Variants in KLHL22 observed in about 807,000 individuals in gnomAD.
KLHL22 encodes the protein kelch-like protein 22.
Under a neutral mutation model 60.7 loss-of-function variants are expected in KLHL22, and 18 were observed. The ratio of observed to expected loss-of-function variants is 0.30; its 90% CI spans 0.20 to 0.44. The LOEUF is 0.44. Ranked by LOEUF, KLHL22 falls within the 20% of genes least tolerant of loss-of-function variation. KLHL22 has a pLI of 1.00. For missense variants in KLHL22, 596 were observed against 852.3 expected, an observed-to-expected ratio of 0.70 and a Z score of 3.74; for synonymous variants, 355 against 354.5, an observed-to-expected ratio of 1.00 and a Z score of -0.01.
At chr22:20,444,484 C>A (rs1467305641) in intron 6 of KLHL22, among the ~76,000 whole-genome samples, 1 of 152,104 alleles carries the variant, frequency 6.6e-6, no homozygotes, top group Non-Finnish European at 1.5e-5. Flanking sequence ...GCCAGATCGC[C>A]AAGACCCACC....
intron 2 of KLHL22, among the ~76,000 whole-genome samples, chr22:20,487,636 G>C (rs560164028): frequency 2.3e-4 from 35 of 152,286 alleles, no homozygotes; most frequent in African/African-American, 8.2e-4. Context: ...AGGGATGCAG[G>C]GGGTGTTAGT....
intron 5 of KLHL22, chr22:20,450,039 C>T: frequency 1.5e-6 from 1 of 653,906 alleles, no homozygotes; most frequent in East Asian, 2.6e-5. Context: ...AGGCTGGGGA[C>T]AGGCCCTGGC....
chr22:20,473,112 G>C (rs1005702798), intron 2 of KLHL22, among the ~76,000 whole-genome samples: 1 of 152,224 alleles, frequency 6.6e-6, no homozygotes, highest in Non-Finnish European at 1.5e-5. Context: ...AGAGTGATGT[G>C]AACTGACTGG....
At chr22:20,444,313 G>A (rs545076450) in intron 6 of KLHL22, among the ~76,000 whole-genome samples, 1 of 152,326 alleles carries the variant, frequency 6.6e-6, no homozygotes, top group South Asian at 2.1e-4. Context: ...AAGATGCCCT[G>A]ACCGCACCCT....
chr22:20,476,151 C>T (rs187050643), intron 2 of KLHL22, among the ~76,000 whole-genome samples: 1 of 152,330 alleles, frequency 6.6e-6, no homozygotes, highest in African/African-American at 2.4e-5. Flanking sequence ...CATCTTCCTA[C>T]AGATCTGGCA....
intron 2 of KLHL22, among the ~76,000 whole-genome samples, chr22:20,473,722 A>C (rs2053364039): frequency 6.6e-6 from 1 of 152,132 alleles, no homozygotes; most frequent in South Asian, 2.1e-4. Flanking sequence ...CCAAAAATAC[A>C]AAATTAGCTG....
intron 2 of KLHL22, among the ~76,000 whole-genome samples, chr22:20,481,725 TC>T (rs2053505351): frequency 6.6e-6 from 1 of 152,008 alleles, no homozygotes; most frequent in African/African-American, 2.4e-5. Flanking sequence ...CACCTCAGCC[TC>T]CCAAGTAGTG....
At chr22:20,467,681 T>TG (rs1189482703) in intron 3 of KLHL22, among the ~76,000 whole-genome samples, 1 of 152,162 alleles carries the variant, frequency 6.6e-6, no homozygotes, top group African/African-American at 2.4e-5. Flanking sequence ...TATTTTGAGA[T>TG]GGGGTCTCAC....
At chr22:20,450,233 A>G (rs1395142190) in intron 5 of KLHL22, 3 of 837,344 alleles carry the variant, frequency 3.6e-6, no homozygotes, top group Non-Finnish European at 6.4e-6. Context: ...TGTGACATTG[A>G]GTAGAGCAGA....
chr22:20,486,354 A>C (rs1367005419), intron 2 of KLHL22, among the ~76,000 whole-genome samples: 1 of 151,974 alleles, frequency 6.6e-6, no homozygotes, highest in East Asian at 1.9e-4. Context: ...ACTCCCTATC[A>C]GTAGACACAC....
At chr22:20,468,261 G>A (rs897774775) in intron 3 of KLHL22, among the ~76,000 whole-genome samples, 39 of 152,216 alleles carry the variant, frequency 2.6e-4, no homozygotes, top group Non-Finnish European at 3.4e-4. Flanking sequence ...TGGGCAGAAT[G>A]TGAGCACAAA....
intron 1 of KLHL22, chr22:20,493,121 A>C (rs1173383765): frequency 1.1e-5 from 5 of 470,764 alleles, no homozygotes; most frequent in Non-Finnish European, 2.2e-5. Context: ...ACCCCAATAG[A>C]CATCAAGCCC....
chr22:20,484,084 TA>T, intron 2 of KLHL22: 1 of 969,164 alleles, frequency 1.0e-6, no homozygotes, highest in Non-Finnish European at 1.6e-6. Flanking sequence ...GTGGAGAAGG[TA>T]GAGCGAGTGG....
At position 20,488,735 on chromosome 22, in the gene KLHL22, AG is replaced by A. The variant is rs892233856; in HGVS notation, c.227+249del. Reference sequence around the variant, plus strand: ...AAAGAGAAAAGAAAAGAGAGAGAAAAGGAAAAGAAAAGGAAGAGAAGAGAGG... The same window carrying A: ...AAAGAGAAAAGAAAAGAGAGAGAAAAGAAAAGAAAAGGAAGAGAAGAGAGG... On this transcript the variant is annotated intron_variant, in intron 2 of 6. Coordinates refer to ENST00000328879, the MANE Select transcript of KLHL22 (RefSeq NM_032775.4). 5 of 562,982 alleles carry A rather than the reference AG, an allele frequency of 8.9e-6. No individual in the cohort carries two copies. In the African/African-American group the frequency reaches 9.4e-5, roughly 11 times the overall value. 34.9% of individuals were successfully genotyped at this position (562,982 alleles called of 1,614,324 possible).
intron 5 of KLHL22, chr22:20,456,528 C>CA (rs1055404890): frequency 3.9e-5 from 6 of 152,278 alleles, no homozygotes; most frequent in Non-Finnish European, 7.3e-5. Flanking sequence ...AGGCTTCCCC[C>CA]AACACCCTTC....
rs188784139 is a variant in KLHL22, at chr22:20,484,356, G to A, written c.227+4629C>T. On this transcript the variant is annotated intron_variant, in intron 2 of 6. Transcript: ENST00000328879. ...CTCATCCAGTCTGGAGTGCAGTGAC[G>A]CGATCTCAGCTCACTACAACCTCCA... Among the ~76,000 whole-genome samples, 450 of 152,132 alleles carry A rather than the reference G, an allele frequency of 3.0e-3. 1 individual carries two copies. The highest frequency in any genetic ancestry group is 9.9e-3 in the African/African-American group (410 of 41,490).
At chr22:20,462,726 T>G (rs1165001319) in intron 4 of KLHL22, among the ~76,000 whole-genome samples, 1 of 152,110 alleles carries the variant, frequency 6.6e-6, no homozygotes. Flanking sequence ...GTATACCATG[T>G]AGTTGGTGTT....
chr22:20,451,210 A>G lies in KLHL22; in HGVS notation c.1306-4534T>C, dbSNP rs752296394. On this transcript the variant is annotated intron_variant, in intron 5 of 6. Transcript: ENST00000328879. ...TGGGGTCTGGTATTCTGTGGCCCCT[A>G]TGAATGTCTGATGAGGTCTTGCTGG... 11 of 1,598,600 alleles carry G rather than the reference A, an allele frequency of 6.9e-6. No homozygotes were observed. In the Admixed American group the frequency reaches 8.3e-5, roughly 12 times the overall value.
rs201892154 is a variant in KLHL22, at chr22:20,465,280, G to A, written c.690C>T (p.Asp230=). The change falls in exon 4 of 7, where the codon GAC becomes GAT. Residue 230 remains aspartate (D), a synonymous_variant. Transcript: ENST00000328879. The surrounding 1 kb of genome is among the most constrained non-coding windows in gnomAD (Gnocchi z 4.9). ...TTGGGGGCTCGTGCAGCGAGATCTG[G>A]TCAGCCTGCACCTGCTCCAGGCTAT... The part of the protein sequence containing the change: ...YHYSLEQVQA[D]QISLHEPPKL... 6.2e-7 allele frequency: 1 copy of A among 1,614,084 alleles called. No homozygotes were observed. The highest frequency in any genetic ancestry group is 2.2e-5 in the East Asian group (1 of 44,886).
Sources: allele counts gnomAD v4.1 joint callset (sites outside exome capture counted in the v4.1 genomes callset), GRCh38; gene constraint gnomAD v4.1.1; non-coding constraint Gnocchi (gnomAD v3.1); transcripts MANE v1.5; gene names NCBI Gene and HGNC (gene_info 2026-07-23, HGNC 2026-07-21).